Variants in ARHGAP18 observed in about 807,000 individuals in gnomAD.
The protein encoded by ARHGAP18 is Rho GTPase activating protein 18, also known as rho GTPase-activating protein 18.
In ARHGAP18, 67 loss-of-function variants were observed where a neutral mutation model predicts 86.2. The observed-to-expected ratio is 0.78, with a 90% CI of 0.64 to 0.95. The LOEUF (loss-of-function observed/expected upper bound fraction) is 0.95, where lower values mean the gene tolerates loss of function less well. Among genes scored for constraint, ARHGAP18 ranks in the 40% least tolerant of loss-of-function variants. The pLI is 0.00. For missense variants in ARHGAP18, 691 were observed against 780.4 expected (o/e 0.89, Z 1.37); for synonymous variants, 283 against 280.4 (o/e 1.01, Z -0.09).
intron 4 of ARHGAP18, among the ~76,000 whole-genome samples, chr6:129,632,174 T>C (rs955619265): frequency 6.6e-6 from 1 of 152,196 alleles, no homozygotes; most frequent in African/African-American, 2.4e-5. Flanking sequence ...TTACACTGGT[T>C]AATTCACTGG....
intron 5 of ARHGAP18, among the ~76,000 whole-genome samples, chr6:129,626,063 TATACACACACAC>T (rs1254631503): frequency 7.0e-5 from 2 of 28,408 alleles, no homozygotes; most frequent in Non-Finnish European, 1.3e-4. Context: ...TATATACACA[TATACACACACAC>T]ACACACACAC....
chr6:129,709,133 T>C lies in ARHGAP18; in HGVS notation c.113+891A>G, dbSNP rs181780545. The stretch of plus-strand genomic sequence containing the variant: ...GAAGGTTTTATTATCACATTAAGCA[T>C]TGAGGAGGAAATGTGCTTACCGATA... On this transcript the variant is annotated intron_variant, in intron 1 of 14. Transcript: ENST00000368149. 1.1e-4 allele frequency among the ~76,000 whole-genome samples: 17 copies of C among 152,304 alleles called. No homozygotes were observed. In the East Asian group the frequency reaches 2.9e-3, roughly 26 times the overall value.
chr6:129,625,357 T>TGA (rs1789369465), intron 5 of ARHGAP18, among the ~76,000 whole-genome samples: 1 of 68,072 alleles, frequency 1.5e-5, no homozygotes, highest in African/African-American at 8.8e-5. Context: ...GTAATATATA[T>TGA]TATGTATATT....
chr6:129,641,958 C>T lies in ARHGAP18; in HGVS notation c.174G>A (p.Lys58=), dbSNP rs761817778. The change falls in exon 2 of 15, where the codon AAG becomes AAA. Residue 58 remains lysine (K), a synonymous_variant. Transcript: ENST00000368149. The part of the protein sequence containing the change: ...QESTTIKVME[K]PPFDRSISQD... The stretch of plus-strand genomic sequence containing the variant: ...GGGAAATTGATCGATCAAATGGAGG[C>T]TTCTCCATAACTTTGATGGTGGTGC... The T allele has an allele frequency of 6.2e-7, 1 of 1,613,938 alleles. No homozygotes were observed. Among genetic ancestry groups the T allele is most frequent in the Admixed American group, 1.7e-5 (1 of 60,018 alleles).
intron 1 of ARHGAP18, among the ~76,000 whole-genome samples, chr6:129,678,938 G>C (rs547768296): frequency 6.6e-6 from 1 of 152,290 alleles, no homozygotes; most frequent in Admixed American, 6.5e-5. Context: ...ACTACTTTCA[G>C]ATGATAGGAA....
intron 1 of ARHGAP18, among the ~76,000 whole-genome samples, chr6:129,672,256 C>T (rs754263180): frequency 2.2e-4 from 34 of 152,218 alleles, no homozygotes; most frequent in East Asian, 5.8e-4. Context: ...TTACTCTCCA[C>T]GGTACATCAA....
chr6:129,670,082 C>T (rs567394180), intron 1 of ARHGAP18, among the ~76,000 whole-genome samples: 36 of 152,302 alleles, frequency 2.4e-4, no homozygotes, highest in Middle Eastern at 3.4e-3. Flanking sequence ...GGCACTTATG[C>T]TTGCATAAAG....
intron 1 of ARHGAP18, among the ~76,000 whole-genome samples, chr6:129,703,192 G>A (rs909870624): frequency 6.6e-6 from 1 of 152,168 alleles, no homozygotes; most frequent in Non-Finnish European, 1.5e-5. Flanking sequence ...AATTAAAACA[G>A]AAGAGTGAAA....
At chr6:129,638,307 G>T (rs780620486) in intron 3 of ARHGAP18, 87 bp downstream of exon 3, 1 of 1,321,028 alleles carries the variant, frequency 7.6e-7, no homozygotes, top group Non-Finnish European at 1.1e-6. Flanking sequence ...TGATCATTAC[G>T]TTTTTAATCA....
In ARHGAP18 at chr6:129,618,836, T is replaced by C. The variant is rs750594073; in HGVS notation, c.803A>G (p.Lys268Arg). The C allele has an allele frequency of 1.2e-6, 2 of 1,612,248 alleles. No individual in the cohort carries two copies. Among genetic ancestry groups the C allele is most frequent in the Admixed American group, 3.3e-5 (2 of 59,784 alleles). Residue 268 changes from lysine to arginine, a missense_variant, in exon 6 of 15, where the codon AAA becomes AGA. Lys to Arg is a conservative substitution (Grantham distance 26). Coordinates refer to ENST00000368149, the MANE Select transcript of ARHGAP18 (RefSeq NM_033515.3). ...DATLPSFRLP[K>R]DKTGTTRIGD... The stretch of plus-strand genomic sequence containing the variant: ...AATCCTTGTGGTACCCGTTTTGTCT[T>C]TTGGCAATCTGAAACTCTAAAATAA...
chr6:129,598,596 C>T (rs1256759456), intron 12 of ARHGAP18, among the ~76,000 whole-genome samples: 1 of 152,046 alleles, frequency 6.6e-6, no homozygotes, highest in African/African-American at 2.4e-5. Flanking sequence ...TATTGTAAAC[C>T]CAGTTCTTAA....
At chr6:129,631,670 T>G (rs1454464920) in intron 4 of ARHGAP18, among the ~76,000 whole-genome samples, 1 of 151,956 alleles carries the variant, frequency 6.6e-6, no homozygotes, top group Non-Finnish European at 1.5e-5. Flanking sequence ...TTTGCAAATC[T>G]CCCTTAAGTT....
At chr6:129,704,739 T>C (rs1436872701) in intron 1 of ARHGAP18, among the ~76,000 whole-genome samples, 2 of 152,150 alleles carry the variant, frequency 1.3e-5, no homozygotes, top group Non-Finnish European at 2.9e-5. Flanking sequence ...CTACACTCTA[T>C]AATCAATATA....
At chr6:129,578,975 AAATAAT>A (rs981401932) in intron 14 of ARHGAP18, among the ~76,000 whole-genome samples, 2 of 152,032 alleles carry the variant, frequency 1.3e-5, no homozygotes, top group African/African-American at 2.4e-5. Context: ...AAAACAAAAC[AAATAAT>A]AATAATAAAA....
chr6:129,678,414 C>T (rs1006010904), intron 1 of ARHGAP18, among the ~76,000 whole-genome samples: 2 of 151,910 alleles, frequency 1.3e-5, no homozygotes, highest in African/African-American at 4.9e-5. Flanking sequence ...ACACACTCAA[C>T]GGATGCCTGG....
chr6:129,627,585 C>A (rs1369399707), intron 5 of ARHGAP18, among the ~76,000 whole-genome samples: 1 of 150,128 alleles, frequency 6.7e-6, no homozygotes, highest in South Asian at 2.1e-4. Context: ...TTAATAACCA[C>A]GTTTCTTTAA....
At chr6:129,644,347 C>T (rs368791299) in intron 1 of ARHGAP18, among the ~76,000 whole-genome samples, 1 of 152,128 alleles carries the variant, frequency 6.6e-6, no homozygotes, top group South Asian at 2.1e-4. Flanking sequence ...CTTAAATTAA[C>T]ATGTAAATGA....
chr6:129,591,204 T>C (rs539039816), intron 12 of ARHGAP18, among the ~76,000 whole-genome samples: 2 of 152,340 alleles, frequency 1.3e-5, no homozygotes, highest in South Asian at 2.1e-4. Flanking sequence ...AGATACAACA[T>C]GCCTGATCGT....
At chr6:129,633,857 A>T (rs1002498056) in intron 4 of ARHGAP18, among the ~76,000 whole-genome samples, 185 bp downstream of exon 4, 9 of 152,248 alleles carry the variant, frequency 5.9e-5, no homozygotes, top group Non-Finnish European at 1.2e-4. Flanking sequence ...ATAGGAATAC[A>T]CATTAAAAGA....
Sources: gnomAD v4.1 joint callset for allele counts (sites outside exome capture counted in the v4.1 genomes callset) on GRCh38, gnomAD v4.1.1 for gene constraint, MANE v1.5 for transcripts, NCBI Gene and HGNC (gene_info 2026-07-23, HGNC 2026-07-21) for gene names.